The following PRKN variants were observed in gnomAD, a reference collection of about 807,000 sequenced individuals.
PRKN encodes parkin RBR E3 ubiquitin protein ligase.
Under a neutral mutation model 59.5 loss-of-function variants are expected in PRKN, and 56 were observed. The observed-to-expected ratio is 0.94, with a 90% confidence interval of 0.76 to 1.18. The LOEUF (loss-of-function observed/expected upper bound fraction) is 1.18, where lower values mean the gene tolerates loss of function less well. Among genes scored for constraint, PRKN ranks in the 50% most tolerant of loss-of-function variants. The pLI, the probability that PRKN is intolerant of heterozygous loss-of-function variation, is 0.00. For synonymous variants in PRKN, 250 were observed against 222.1 expected (o/e 1.13, Z -1.12); for missense variants, 657 against 596.4 (o/e 1.10, Z -1.06).
intron 7 of PRKN, among the ~76,000 whole-genome samples, chr6:161,752,564 G>C (rs578233923): frequency 6.1e-4 from 92 of 151,362 alleles, no homozygotes; most frequent in African/African-American, 2.2e-3. Flanking sequence ...GCATTGGTGC[G>C]CACCTGTAGT....
intron 6 of PRKN, among the ~76,000 whole-genome samples, chr6:161,873,229 C>T (rs1794417023): frequency 1.3e-5 from 2 of 151,942 alleles, no homozygotes; most frequent in African/African-American, 4.8e-5. Flanking sequence ...TCTCTGGAGC[C>T]TTTCCCGGGC....
At chr6:161,435,670 G>A (rs1321948540) in intron 9 of PRKN, among the ~76,000 whole-genome samples, 1 of 151,650 alleles carries the variant, frequency 6.6e-6, no homozygotes, top group African/African-American at 2.4e-5. Context: ...TGCCTTCAGA[G>A]CTCTCTTGAC....
chr6:161,933,465 T>C (rs1267829324), intron 6 of PRKN, among the ~76,000 whole-genome samples: 2 of 152,212 alleles, frequency 1.3e-5, no homozygotes, highest in East Asian at 3.8e-4. Flanking sequence ...AATAGACAAC[T>C]GATGGGTTTT....
chr6:161,659,454 T>C (rs954639299), intron 7 of PRKN, among the ~76,000 whole-genome samples: 4 of 152,134 alleles, frequency 2.6e-5, no homozygotes, highest in African/African-American at 9.7e-5. Flanking sequence ...TATTTGTCTA[T>C]GTTGGCATGA....
Position 161,447,683 on chromosome 6 carries a change from C to A in PRKN, c.1084-60806G>T, listed in dbSNP as rs369897540. Reference sequence around the variant, plus strand: ...TAATTTTTTGTATTTTTAGTAGACACAGCGTTTCACCGTGTAAGCTAGGAT... The same window carrying A: ...TAATTTTTTGTATTTTTAGTAGACAAAGCGTTTCACCGTGTAAGCTAGGAT... On this transcript the variant is annotated intron_variant, in intron 9 of 11. Coordinates refer to ENST00000366898, the MANE Select transcript of PRKN (RefSeq NM_004562.3). The surrounding 1 kb of genome is among the most constrained non-coding windows in gnomAD (Gnocchi z 4.1). Among the ~76,000 whole-genome samples the A allele has an allele frequency of 1.3e-5, 2 of 152,182 alleles. No homozygotes were observed. Among genetic ancestry groups the A allele is most frequent in the East Asian group, 3.9e-4 (2 of 5,190 alleles).
intron 2 of PRKN, among the ~76,000 whole-genome samples, chr6:162,313,639 C>T (rs774198220): frequency 1.8e-4 from 28 of 152,098 alleles, no homozygotes; most frequent in Non-Finnish European, 1.5e-5. Flanking sequence ...AGGCGCGTAC[C>T]ATCATGCCCG....
At chr6:161,897,890 C>T (rs1217844933) in intron 6 of PRKN, among the ~76,000 whole-genome samples, 22 of 135,616 alleles carry the variant, frequency 1.6e-4, no homozygotes, top group Admixed American at 1.4e-3. Flanking sequence ...TGGCGTGAAC[C>T]CGGGAGGCGG....
chr6:161,645,677 C>T (rs555117210), intron 7 of PRKN, among the ~76,000 whole-genome samples: 82 of 152,310 alleles, frequency 5.4e-4, no homozygotes, highest in African/African-American at 1.9e-3. Flanking sequence ...GGCATTGTTG[C>T]CTAATTAAAA....
At chr6:162,416,844 G>T (rs1165131358) in intron 2 of PRKN, among the ~76,000 whole-genome samples, 2 of 151,984 alleles carry the variant, frequency 1.3e-5, no homozygotes, top group Non-Finnish European at 2.9e-5. Flanking sequence ...TCTGTACACA[G>T]AAAATATACT....
intron 4 of PRKN, among the ~76,000 whole-genome samples, chr6:162,143,290 A>T (rs978387729): frequency 5.3e-5 from 8 of 152,220 alleles, no homozygotes; most frequent in Admixed American, 3.3e-4. Context: ...TTAAATGCAA[A>T]GAATGAAGCT....
At position 161,397,068 on chromosome 6, in the gene PRKN, TC is replaced by T. The variant is rs767291805; in HGVS notation, c.1084-10192del. On this transcript the variant is annotated intron_variant, in intron 9 of 11. Coordinates refer to ENST00000366898, the MANE Select transcript of PRKN (RefSeq NM_004562.3). This position sits in a 1 kb window ranked among gnomAD's most constrained non-coding sequence, Gnocchi z 4.2. ...AGCCAAAATGATCAAGGTGTTTTCT[TC>T]CCAAGCCCTGTTTCTTACTCATACC... Among the ~76,000 whole-genome samples, 3 of 152,310 alleles carry T rather than the reference TC, an allele frequency of 2.0e-5. No homozygotes were observed. The South Asian group carries it at 6.2e-4, about 32-fold the overall frequency.
At chr6:162,458,503 G>A (rs1791012626) in intron 1 of PRKN, among the ~76,000 whole-genome samples, 1 of 151,822 alleles carries the variant, frequency 6.6e-6, no homozygotes, top group African/African-American at 2.4e-5. Flanking sequence ...TCCTCAGACA[G>A]GAGCATTACT....
In PRKN at chr6:161,575,056, T is replaced by G. The variant is rs997588617; in HGVS notation, c.872-5640A>C. On this transcript the variant is annotated intron_variant, in intron 7 of 11. Transcript: ENST00000366898. The surrounding 1 kb of genome is among the most constrained non-coding windows in gnomAD (Gnocchi z 4.6). ...CTCACAAGTTTGTGCTCTTCTGTCG[T>G]GTTTTTCCTCTAGTTATTAAACCCA... 1.4e-4 allele frequency among the ~76,000 whole-genome samples: 21 copies of G among 152,204 alleles called. No individual in the cohort carries two copies. The highest frequency in any genetic ancestry group is 1.9e-4 in the African/African-American group (8 of 41,456).
At chr6:162,443,649 G>A (rs1337972718) in intron 1 of PRKN, among the ~76,000 whole-genome samples, 176 bp from the exon 2 acceptor site, 1 of 152,156 alleles carries the variant, frequency 6.6e-6, no homozygotes. Context: ...GGGAAAAACA[G>A]AGTTAGTTAC....
At chr6:162,497,906 T>C (rs746455324) in intron 1 of PRKN, among the ~76,000 whole-genome samples, 4 of 152,190 alleles carry the variant, frequency 2.6e-5, no homozygotes, top group Admixed American at 6.5e-5. Context: ...CTAGAAGATT[T>C]GAAATGTTCC....
chr6:162,006,156 A>G (rs1274487764), intron 5 of PRKN, among the ~76,000 whole-genome samples: 3 of 152,140 alleles, frequency 2.0e-5, no homozygotes, highest in Non-Finnish European at 4.4e-5. Context: ...TGTTTGTTCC[A>G]TCTTTGTTTC....
At position 162,192,442 on chromosome 6, in the gene PRKN, ATT is replaced by A. The variant is rs10534285; in HGVS notation, c.534+8687_534+8688del. ...GGTAAGCATTCAATAAATTATAGGG[ATT>A]TTTTTTTTTTTTTTTTTTTTTTTTT... is the stretch of plus-strand genomic sequence containing the variant. On this transcript the variant is annotated intron_variant, in intron 4 of 11. Coordinates refer to ENST00000366898, the MANE Select transcript of PRKN (RefSeq NM_004562.3). Among the ~76,000 whole-genome samples, 674 of 74,612 alleles carry A rather than the reference ATT, an allele frequency of 9.0e-3. 11 individuals carry two copies. The highest frequency in any genetic ancestry group is 0.041 in the African/African-American group (635 of 15,510). 48.9% of individuals were successfully genotyped at this position (74,612 alleles called of 152,430 possible).
rs180796888 is a variant in PRKN at position 161,401,100 on chromosome 6, C to T, written c.1084-14223G>A. ...AATCCACCATTCACGTAAGTTTTGG[C>T]CTGGTGTTATTGCAGTCTCTTAATT... On this transcript the variant is annotated intron_variant, in intron 9 of 11. Coordinates refer to ENST00000366898, the MANE Select transcript of PRKN (RefSeq NM_004562.3). The surrounding 1 kb of genome is among the most constrained non-coding windows in gnomAD (Gnocchi z 4.4). 6.6e-6 allele frequency among the ~76,000 whole-genome samples: 1 copy of T among 152,012 alleles called. No individual in the cohort carries two copies. Among genetic ancestry groups the T allele is most frequent in the Non-Finnish European group, 1.5e-5 (1 of 67,970 alleles).
chr6:162,496,481 A>C (rs1479680928), intron 1 of PRKN, among the ~76,000 whole-genome samples: 1 of 152,192 alleles, frequency 6.6e-6, no homozygotes, highest in Admixed American at 6.5e-5. Context: ...CATGGAAAAA[A>C]AGTCCTTTTC....
Sources: allele counts gnomAD v4.1 joint callset (sites outside exome capture counted in the v4.1 genomes callset), GRCh38; gene constraint gnomAD v4.1.1; non-coding constraint Gnocchi (gnomAD v3.1); transcripts MANE v1.5; gene names NCBI Gene and HGNC (gene_info 2026-07-23, HGNC 2026-07-21).